Variants in TMC6 observed in about 807,000 individuals in gnomAD.
The protein encoded by TMC6 is transmembrane channel like 6, also known as transmembrane channel-like protein 6.
A neutral mutation model predicts 95.4 loss-of-function variants in TMC6; 71 were observed. That is an observed-to-expected ratio of 0.74 (90% confidence interval 0.61 to 0.91). The LOEUF is 0.91. TMC6 is among the 40% of genes least tolerant of loss of function. The probability of loss-of-function intolerance (pLI) is 0.00; values close to 1 mark genes in which losing one functional copy is unlikely to be tolerated. For synonymous variants in TMC6, 514 were observed against 483.1 expected, an observed-to-expected ratio of 1.06 and a Z score of -0.84; for missense variants, 1,074 against 1,079.1, an observed-to-expected ratio of 1.00 and a Z score of 0.07.
In TMC6 at chr17:78,109,624, A is replaced by G. The variant is rs955205043; in HGVS notation, c.*3524T>C. 2.2e-6 allele frequency: 1 copy of G among 448,980 alleles called. No individual in the cohort carries two copies. The highest frequency in any genetic ancestry group is 1.6e-5 in the South Asian group (1 of 63,580). 27.8% of individuals were successfully genotyped at this position (448,980 alleles called of 1,614,324 possible). On this transcript the variant is annotated 3_prime_UTR_variant, in exon 20 of 20. Coordinates refer to ENST00000590602, the MANE Select transcript of TMC6 (RefSeq NM_001127198.5). ...CCGGGATGGGCAACAGAAAGACCCC[A>G]TCTCAAAAAAGCAGAAGCACATTTC...
At chr17:78,127,470 T>G (rs2074780666) in intron 1 of TMC6, among the ~76,000 whole-genome samples, 1 of 152,216 alleles carries the variant, frequency 6.6e-6, no homozygotes, top group African/African-American at 2.4e-5. Context: ...CCTCATGTTC[T>G]CAGAAGACCC....
At chr17:78,113,361 G>A in intron 19 of TMC6, 150 bp from the exon 20 acceptor site, 2 of 1,225,790 alleles carry the variant, frequency 1.6e-6, no homozygotes, top group Non-Finnish European at 2.3e-6. Context: ...AAAATGGCCA[G>A]GCTCCGGAGG....
chr17:78,113,025 C>T lies in TMC6; in HGVS notation c.*123G>A, dbSNP rs559694031. The T allele has an allele frequency of 1.8e-5, 21 of 1,167,296 alleles. No homozygotes were observed. Among genetic ancestry groups the T allele is most frequent in the African/African-American group, 1.1e-4 (7 of 65,834 alleles). The allele number at this position is 1,167,296 out of a possible 1,614,324, so 72.3% of individuals were successfully genotyped here. ...CCCACCCTTCCAGCTCCAGCCTAGG[C>T]GCAGCTGCGGCTTTCGAGAGGCGAA... is the stretch of plus-strand genomic sequence containing the variant. On this transcript the variant is annotated 3_prime_UTR_variant, in exon 20 of 20. Transcript: ENST00000590602.
rs138958849 is a variant in TMC6, at chr17:78,113,188, G to A, written c.2378C>T (p.Ala793Val). ...ATCTGTGAGCAGGGCAGGGGGTGCC[G>A]CAGCCTCCTCGGTTGTCCCAACCCT... ...RSRVGTTEEA[A>V]APPALLTDEQ... Residue 793 changes from alanine (A) to valine (V), a missense_variant, in exon 20 of 20, where the codon GCG becomes GTG. Coordinates refer to ENST00000590602, the MANE Select transcript of TMC6 (RefSeq NM_001127198.5). 118 of 1,557,490 alleles carry A rather than the reference G, an allele frequency of 7.6e-5. No homozygotes were observed. The African/African-American group carries it at 1.2e-3, about 16-fold the overall frequency.
chr17:78,126,058 A>C, intron 4 of TMC6, 174 bp from the exon 5 acceptor site: 1 of 1,139,588 alleles, frequency 8.8e-7, no homozygotes, highest in Non-Finnish European at 1.2e-6. Flanking sequence ...CCCCGTGATG[A>C]CTCTGGAGTC....
In TMC6 at chr17:78,121,045, G is replaced by T; in HGVS notation, c.1503C>A (p.Ser501=). 6.2e-7 allele frequency: 1 copy of T among 1,613,352 alleles called. No homozygotes were observed. Among genetic ancestry groups the T allele is most frequent in the Non-Finnish European group, 8.5e-7 (1 of 1,180,008 alleles). ...TGGCCACGTACACCTCCAGTACCGGGGAGTCATGCGGCTCCAGGGCGGCCA... is the reference window on the plus strand; with the variant it reads ...TGGCCACGTACACCTCCAGTACCGGTGAGTCATGCGGCTCCAGGGCGGCCA... ...RVLAALEPHD[S]PVLEVYVAIC... The change falls in exon 12 of 20, where the codon TCC becomes TCA. Residue 501 remains serine (S), a synonymous_variant. Transcript: ENST00000590602. This position sits in a 1 kb window ranked among gnomAD's most constrained non-coding sequence, Gnocchi z 5.6.
At chr17:78,131,417 C>T, upstream of TMC6, 1 of 893,674 alleles carries the variant, frequency 1.1e-6, no homozygotes, top group East Asian at 2.6e-5. Flanking sequence ...CAAGTGAACC[C>T]TAGGGCTGCA....
At chr17:78,118,505 G>A (rs558388263) in intron 15 of TMC6, among the ~76,000 whole-genome samples, 153 of 151,904 alleles carry the variant, frequency 1.0e-3, no homozygotes, top group African/African-American at 3.5e-3. Context: ...GCAGTGAGCC[G>A]AGATTGCGCC....
chr17:78,122,831 G>A lies in TMC6; in HGVS notation c.1083-82C>T, dbSNP rs2074485022. ...GGGAGAAGGCAGACCGGATGCTCTGGGCAGCCAGACCCCACCACCCACTCA... is the reference window on the plus strand; with the variant it reads ...GGGAGAAGGCAGACCGGATGCTCTGAGCAGCCAGACCCCACCACCCACTCA... On this transcript the variant is annotated intron_variant, in intron 9 of 19. Transcript: ENST00000590602. This position sits in a 1 kb window ranked among gnomAD's most constrained non-coding sequence, Gnocchi z 4.9. The A allele has an allele frequency of 3.2e-6, 5 of 1,546,680 alleles. No individual in the cohort carries two copies. In the Admixed American group the frequency reaches 5.8e-5, roughly 18 times the overall value.
chr17:78,116,903 A>G (rs564625853), intron 18 of TMC6, among the ~76,000 whole-genome samples: 1 of 152,258 alleles, frequency 6.6e-6, no homozygotes, highest in African/African-American at 2.4e-5. Flanking sequence ...TTTAAGTCCT[A>G]ACTCTCAACC....
chr17:78,127,164 T>G lies in TMC6; in HGVS notation c.-74-258A>C, dbSNP rs901935095. The G allele has an allele frequency of 5.9e-6, 3 of 508,870 alleles. No individual in the cohort carries two copies. In the Admixed American group the frequency reaches 9.8e-5, roughly 17 times the overall value. 31.5% of individuals were successfully genotyped at this position (508,870 alleles called of 1,614,324 possible). A position where few individuals can be genotyped will look rare whatever the true frequency, so the allele number is the denominator to read the frequency against. On this transcript the variant is annotated intron_variant, in intron 1 of 19. Coordinates refer to ENST00000590602, the MANE Select transcript of TMC6 (RefSeq NM_001127198.5). ...GGTCTGCAGTTCCACATCTGTTTCC[T>G]CGATGTCGCCAGTCCCTGGGAAATG...
At position 78,124,590 on chromosome 17, in the gene TMC6, G is replaced by A. The variant is rs372486202; in HGVS notation, c.825C>T (p.Val275=). The change falls in exon 8 of 20, where the codon GTC becomes GTT. Residue 275 remains valine, a synonymous_variant. Coordinates refer to ENST00000590602, the MANE Select transcript of TMC6 (RefSeq NM_001127198.5). ...GGCCCGGCAGGGCGGGTGGGAAGGCGACCTGAGGGCCCATGATGAAGGCCA... is the reference window on the plus strand; with the variant it reads ...GGCCCGGCAGGGCGGGTGGGAAGGCAACCTGAGGGCCCATGATGAAGGCCA... The part of the protein sequence containing the change: ...LLVAFIMGPQ[V]AFPPALPGPA... 66 of 1,612,292 alleles carry A rather than the reference G, an allele frequency of 4.1e-5. 1 individual carries two copies. The highest frequency in any genetic ancestry group is 1.5e-4 in the African/African-American group (11 of 75,044).
intron 19 of TMC6, 37 bp downstream of exon 19, chr17:78,113,511 G>A (rs747330144): frequency 6.2e-7 from 1 of 1,611,014 alleles, no homozygotes; most frequent in Non-Finnish European, 8.5e-7. Context: ...CTCCCCTCCA[G>A]GCTCAGAGTG....
upstream of TMC6, chr17:78,132,399 C>A: frequency 1.9e-6 from 3 of 1,613,050 alleles, no homozygotes; most frequent in Non-Finnish European, 2.5e-6. Flanking sequence ...TCACCTTCCT[C>A]CGCTTCCTGC....
chr17:78,108,106 G>A lies in TMC6; in HGVS notation c.*5042C>T, dbSNP rs2073736244. The A allele has an allele frequency of 6.6e-6, 1 of 152,256 alleles. No individual in the cohort carries two copies. Among genetic ancestry groups the A allele is most frequent in the Non-Finnish European group, 1.5e-5 (1 of 68,108 alleles). The allele number at this position is 152,256 out of a possible 1,614,324, so 9.4% of individuals were successfully genotyped here. The stretch of plus-strand genomic sequence containing the variant: ...TTGGTGTTACAGACAGGCCTCTGAA[G>A]ACAAACCGAGCACCCCAGCGGCCCC... On this transcript the variant is annotated 3_prime_UTR_variant, in exon 20 of 20. Transcript: ENST00000590602.
At position 78,117,273 on chromosome 17, in the gene TMC6, C is replaced by T. The variant is rs2074170204; in HGVS notation, c.2273G>A (p.Ser758Asn). Reference protein sequence around the residue: ...KVICLLKEQISNEGEDKIFLI... With the variant: ...KVICLLKEQINNEGEDKIFLI... ...CAGCCCAGGAGGGGCACTCACATTG[C>T]TGATCTGCTCCTTGAGCAGGCAGAT... The change falls in exon 18 of 20, where the codon AGC (serine) becomes AAC (asparagine). Residue 758 changes from serine (S) to asparagine (N), a missense_variant. Ser to Asn is a conservative substitution (Grantham distance 46). Coordinates refer to ENST00000590602, the MANE Select transcript of TMC6 (RefSeq NM_001127198.5). 15 of 1,613,532 alleles carry T rather than the reference C, an allele frequency of 9.3e-6. No homozygotes were observed. The highest frequency in any genetic ancestry group is 1.2e-5 in the Non-Finnish European group (14 of 1,179,984).
upstream of TMC6, chr17:78,131,777 T>G (rs765073018): frequency 3.2e-6 from 5 of 1,548,686 alleles, no homozygotes; most frequent in Non-Finnish European, 4.3e-6. Flanking sequence ...GTGGGGGGGG[T>G]GCTGCGAGGC....
At chr17:78,116,395 C>A (rs1052054667) in intron 18 of TMC6, among the ~76,000 whole-genome samples, 1 of 151,838 alleles carries the variant, frequency 6.6e-6, no homozygotes, top group Admixed American at 6.6e-5. Context: ...CCCTCAGCCT[C>A]CCAAGTAGCT....
At chr17:78,118,506 A>C (rs1374954396) in intron 15 of TMC6, among the ~76,000 whole-genome samples, 1 of 152,016 alleles carries the variant, frequency 6.6e-6, no homozygotes, top group Non-Finnish European at 1.5e-5. Flanking sequence ...CAGTGAGCCG[A>C]GATTGCGCCA....
Sources: allele counts gnomAD v4.1 joint callset (sites outside exome capture counted in the v4.1 genomes callset), GRCh38; gene constraint gnomAD v4.1.1; non-coding constraint Gnocchi (gnomAD v3.1); transcripts MANE v1.5; gene names NCBI Gene and HGNC (gene_info 2026-07-23, HGNC 2026-07-21).